The following DMC1 variants were observed in gnomAD, a reference collection of about 807,000 sequenced individuals.
DMC1 encodes the protein meiotic recombination protein DMC1 homolog.
Under a neutral mutation model 50.1 loss-of-function variants are expected in DMC1, and 27 were observed. The ratio of observed to expected loss-of-function variants is 0.54; its 90% CI spans 0.40 to 0.74. The LOEUF (loss-of-function observed/expected upper bound fraction) is 0.74. DMC1 is among the 30% of genes least tolerant of loss of function. The pLI, the probability that DMC1 is intolerant of heterozygous loss-of-function variation, is 0.00. For synonymous variants in DMC1, 148 were observed against 136.1 expected (o/e 1.09, Z -0.61); for missense variants, 295 against 420.2 (o/e 0.70, Z 2.60).
chr22:38,517,442 G>A (rs980284414), downstream of DMC1, among the ~76,000 whole-genome samples: 8 of 152,038 alleles, frequency 5.3e-5, no homozygotes, highest in Admixed American at 2.0e-4. Context: ...TGTGGTGGGC[G>A]CCTGTAATCC....
At chr22:38,547,517 T>G (rs565297152) in intron 8 of DMC1, among the ~76,000 whole-genome samples, 20 of 151,732 alleles carry the variant, frequency 1.3e-4, no homozygotes, top group Admixed American at 3.9e-4. Context: ...CTCCTCAAAC[T>G]AGTATATTTT....
In DMC1 at chr22:38,563,853, C is replaced by T. The variant is rs530977605; in HGVS notation, c.244-1484G>A. Among the ~76,000 whole-genome samples the T allele has an allele frequency of 2.0e-5, 3 of 152,224 alleles. No homozygotes were observed. In the South Asian group the frequency reaches 6.2e-4, roughly 32 times the overall value. On this transcript the variant is annotated intron_variant, in intron 4 of 13. Coordinates refer to ENST00000216024, the MANE Select transcript of DMC1 (RefSeq NM_007068.4). The stretch of plus-strand genomic sequence containing the variant: ...TAGCTGGGACTACAGGCGCCTGCCA[C>T]CACACCCGGCTAATATTTTTGTATT...
intron 12 of DMC1, among the ~76,000 whole-genome samples, chr22:38,525,591 T>C (rs886433783): frequency 2.0e-5 from 3 of 152,168 alleles, no homozygotes; most frequent in Non-Finnish European, 2.9e-5. Flanking sequence ...GGAGATGATT[T>C]TGAATCACCC....
At chr22:38,521,576 C>G in intron 13 of DMC1, 32 bp downstream of exon 13, 1 of 1,294,856 alleles carries the variant, frequency 7.7e-7, no homozygotes, top group East Asian at 2.3e-5. Flanking sequence ...CACACACACA[C>G]ACACACACAC....
chr22:38,566,625 C>T lies in DMC1; in HGVS notation c.208G>A (p.Val70Ile), dbSNP rs1240171116. The change falls in exon 4 of 14, where the codon GTA (valine) becomes ATA (isoleucine). Residue 70 changes from valine to isoleucine, a missense_variant. By Grantham distance (29) the Val-to-Ile change is conservative. Coordinates refer to ENST00000216024, the MANE Select transcript of DMC1 (RefSeq NM_007068.4). ...TTCGCTGCCTCTTTAATCTTGTCTA[C>T]TTTGGCTTCTGAGAGTCCTTTGACA... ...CNVKGLSEAK[V>I]DKIKEAANKL... is the part of the protein sequence containing the mutation. 2.5e-6 allele frequency: 4 copies of T among 1,614,178 alleles called. No individual in the cohort carries two copies. In the South Asian group the frequency reaches 4.4e-5, roughly 18 times the overall value.
chr22:38,552,091 G>T (rs2090419399), intron 7 of DMC1, among the ~76,000 whole-genome samples: 1 of 151,256 alleles, frequency 6.6e-6, no homozygotes, highest in Non-Finnish European at 1.5e-5. Flanking sequence ...TGGATCTCCT[G>T]ACCTTGTGAT....
intron 13 of DMC1, among the ~76,000 whole-genome samples, chr22:38,520,882 GT>G (rs574922199): frequency 2.3e-4 from 33 of 140,988 alleles, no homozygotes; most frequent in South Asian, 4.4e-4. Context: ...TTTTGTTTTT[GT>G]TTTTTTTTTT....
intron 12 of DMC1, among the ~76,000 whole-genome samples, chr22:38,528,221 T>C (rs961825138): frequency 1.3e-5 from 2 of 151,610 alleles, no homozygotes; most frequent in African/African-American, 4.8e-5. Flanking sequence ...GCCATCACAC[T>C]CAGCTAATTC....
chr22:38,512,285 C>G, the DMC1 span, among the ~76,000 whole-genome samples: 1 of 152,022 alleles, frequency 6.6e-6, no homozygotes, highest in African/African-American at 2.4e-5. Context: ...TGCCTTTTAT[C>G]TTTCTTCTCT....
intron 8 of DMC1, among the ~76,000 whole-genome samples, chr22:38,541,897 T>C (rs567278109): frequency 6.6e-6 from 1 of 151,674 alleles, no homozygotes; most frequent in Non-Finnish European, 1.5e-5. Flanking sequence ...GTCTCAGGGA[T>C]GCAAGGATGG....
At chr22:38,568,826 CTT>C (rs2090608240) in intron 1 of DMC1, among the ~76,000 whole-genome samples, 1 of 152,110 alleles carries the variant, frequency 6.6e-6, no homozygotes. Flanking sequence ...TAACATCCAC[CTT>C]TTTGTTTCAT....
chr22:38,514,756 C>T (rs1448120945), downstream of DMC1, among the ~76,000 whole-genome samples: 1 of 152,086 alleles, frequency 6.6e-6, no homozygotes, highest in African/African-American at 2.4e-5. Flanking sequence ...AATGCCATGA[C>T]GTCAGGAAGT....
downstream of DMC1, among the ~76,000 whole-genome samples, chr22:38,515,255 A>G (rs9610972): frequency 0.26 from 38,635 of 149,684 alleles, 5,405 homozygotes; most frequent in East Asian, 0.36. Context: ...AGGCAGGTGG[A>G]TCACCTGAGG....
At chr22:38,529,040 C>T (rs960966856) in intron 12 of DMC1, among the ~76,000 whole-genome samples, 3 of 151,190 alleles carry the variant, frequency 2.0e-5, no homozygotes, top group South Asian at 2.1e-4. Context: ...GACGGAGTTT[C>T]GCTCTTATCG....
intron 8 of DMC1, among the ~76,000 whole-genome samples, chr22:38,545,483 C>T (rs1323306598): frequency 2.6e-5 from 4 of 152,028 alleles, no homozygotes; most frequent in African/African-American, 7.2e-5. Flanking sequence ...ACTGCAGTGG[C>T]GCTATCTCGG....
chr22:38,517,714 A>C (rs1442966323), downstream of DMC1, among the ~76,000 whole-genome samples: 7 of 152,272 alleles, frequency 4.6e-5, no homozygotes, highest in East Asian at 1.2e-3. Context: ...TTATATTTGC[A>C]TACGAAAATA....
At chr22:38,552,539 C>G in intron 7 of DMC1, 127 bp downstream of exon 7, 1 of 761,346 alleles carries the variant, frequency 1.3e-6, no homozygotes, top group Non-Finnish European at 2.3e-6. Flanking sequence ...TTTACTTAAT[C>G]TGCCTGTGTT....
chr22:38,562,251 T>C, intron 5 of DMC1, 36 bp downstream of exon 5: 1 of 1,317,580 alleles, frequency 7.6e-7, no homozygotes, highest in East Asian at 2.3e-5. Flanking sequence ...ATTCCAAAGA[T>C]TATGCTTAGT....
chr22:38,521,609 T>G lies in DMC1; in HGVS notation c.952A>C (p.Ser318Arg). 6.3e-7 allele frequency: 1 copy of G among 1,593,202 alleles called. No homozygotes were observed. Among genetic ancestry groups the G allele is most frequent in the Non-Finnish European group, 8.6e-7 (1 of 1,163,026 alleles). ...GELRIAKIYD[S>R]PEMPENEATF... ...CACACAAAATAAAAAAAAATTTACCTGTCATAAATCTTGGCAATTCTGAGC... is the reference window on the plus strand; with the variant it reads ...CACACAAAATAAAAAAAAATTTACCGGTCATAAATCTTGGCAATTCTGAGC... The change falls in exon 13 of 14, where the codon AGT (serine) becomes CGT (arginine). Residue 318 changes from serine to arginine, a missense_variant and splice_region_variant. Ser to Arg is a moderately radical substitution (Grantham distance 110). Coordinates refer to ENST00000216024, the MANE Select transcript of DMC1 (RefSeq NM_007068.4).
Sources: allele counts gnomAD v4.1 joint callset (sites outside exome capture counted in the v4.1 genomes callset), GRCh38; gene constraint gnomAD v4.1.1; transcripts MANE v1.5; gene names NCBI Gene and HGNC (gene_info 2026-07-23, HGNC 2026-07-21).